Variants in GABRD observed in about 807,000 individuals in gnomAD.
GABRD encodes the protein gamma-aminobutyric acid receptor subunit delta.
GABRD carries 25 observed loss-of-function variants against 47.3 expected under a neutral mutation model. The observed-to-expected ratio is 0.53, with a 90% CI of 0.39 to 0.74. The LOEUF is 0.74. Ranked by LOEUF, GABRD falls within the 30% of genes least tolerant of loss-of-function variation. GABRD has a pLI of 0.00. For synonymous variants in GABRD, 314 were observed against 278.8 expected, an observed-to-expected ratio of 1.13 and a Z score of -1.26; for missense variants, 497 against 643.4, an observed-to-expected ratio of 0.77 and a Z score of 2.46.
In GABRD at chr1:2,030,305, G is replaced by A. The variant is rs766329653; in HGVS notation, c.*23G>A. 22 of 1,481,014 alleles carry A rather than the reference G, an allele frequency of 1.5e-5. No individual in the cohort carries two copies. The highest frequency in any genetic ancestry group is 2.4e-5 in the East Asian group (1 of 41,036). The allele number at this position is 1,481,014 out of a possible 1,614,324, so 91.7% of individuals were successfully genotyped here. On this transcript the variant is annotated 3_prime_UTR_variant, in exon 9 of 9. Transcript: ENST00000378585. ...TGAGCACAGGACTCAGGCCACCCTC[G>A]CTTGTCCTGGCGCCCGGCGGCAGCT...
chr1:2,024,865 A>C, intron 1 of GABRD, 77 bp from the exon 2 acceptor site: 1 of 1,091,230 alleles, frequency 9.2e-7, no homozygotes. Flanking sequence ...ACAGTGCTGC[A>C]TCCCCAGGAA....
chr1:2,029,927 C>T, intron 8 of GABRD, 56 bp from the exon 9 acceptor site: 2 of 1,595,820 alleles, frequency 1.3e-6, no homozygotes, highest in South Asian at 2.2e-5. Flanking sequence ...TGGTCCAGGG[C>T]CCTGGGAGCT....
In GABRD at chr1:2,025,031, G is replaced by T; in HGVS notation, c.158G>T (p.Arg53Leu). 1 of 1,612,480 alleles carries T rather than the reference G, an allele frequency of 6.2e-7. No individual in the cohort carries two copies. The highest frequency in any genetic ancestry group is 8.5e-7 in the Non-Finnish European group (1 of 1,179,662). The change falls in exon 2 of 9, where the codon CGC becomes CTC. Residue 53 changes from arginine to leucine, a missense_variant. Arg to Leu is a moderately radical substitution (Grantham distance 102). Around this residue, in one of 3 missense-constraint regions of GABRD, gnomAD observed 91 missense variants for 85.5 expected, o/e 1.06. Coordinates refer to ENST00000378585, the MANE Select transcript of GABRD (RefSeq NM_000815.5). ...NLDGLIAGYA[R>L]NFRPGIGGPP... ...GACGGGCTGATAGCCGGCTACGCCC[G>T]CAACTTCCGGCCTGGCATCGGAGGT... is the stretch of plus-strand genomic sequence containing the variant.
At chr1:2,019,539 C>G in intron 1 of GABRD, 48 bp downstream of exon 1, 1 of 1,057,356 alleles carries the variant, frequency 9.5e-7, no homozygotes, top group Non-Finnish European at 1.2e-6. Flanking sequence ...CGGTGGGGGG[C>G]CCGCGTCGGC....
Position 2,029,651 on chromosome 1 carries a change from C to T in GABRD, c.948C>T (p.Ile316=), listed in dbSNP as rs1478007537. 1 of 1,613,556 alleles carries T rather than the reference C, an allele frequency of 6.2e-7. No individual in the cohort carries two copies. Among genetic ancestry groups the T allele is most frequent in the Non-Finnish European group, 8.5e-7 (1 of 1,180,000 alleles). The change falls in exon 8 of 9, where the codon ATC becomes ATT. Residue 316 remains isoleucine, a synonymous_variant. Coordinates refer to ENST00000378585, the MANE Select transcript of GABRD (RefSeq NM_000815.5). ...AIKALDVYFW[I]CYVFVFAALV... Reference sequence around the variant, plus strand: ...AGGCACTGGACGTCTACTTCTGGATCTGCTATGTCTTCGTGTTTGCCGCCC... The same window carrying T: ...AGGCACTGGACGTCTACTTCTGGATTTGCTATGTCTTCGTGTTTGCCGCCC...
intron 2 of GABRD, 27 bp downstream of exon 2, chr1:2,025,081 C>T: frequency 6.3e-7 from 1 of 1,576,140 alleles, no homozygotes; most frequent in Non-Finnish European, 8.7e-7. Flanking sequence ...GCCCGGCAGG[C>T]AGGAGCCGCT....
Position 2,030,361 on chromosome 1 carries a change from C to T in GABRD, c.*79C>T, listed in dbSNP as rs1000049679. ...GAAACTTCCTGGGAGAAAGAGCCCT[C>T]GGGCTGCCTTCCCCTCTGCGTGTTT... On this transcript the variant is annotated 3_prime_UTR_variant, in exon 9 of 9. Transcript: ENST00000378585. 56 of 1,313,008 alleles carry T rather than the reference C, an allele frequency of 4.3e-5. No individual in the cohort carries two copies. Among genetic ancestry groups the T allele is most frequent in the Non-Finnish European group, 5.5e-5 (54 of 977,140 alleles). 81.3% of individuals were successfully genotyped at this position (1,313,008 alleles called of 1,614,324 possible). A position where few individuals can be genotyped will look rare whatever the true frequency, so the allele number is the denominator to read the frequency against.
rs1405824159 is a variant in GABRD at position 2,029,236 on chromosome 1, C to T, written c.817C>T (p.Gln273Ter). ...GTCCTGGGTCTCCTTCTGGATCAGCCAGGCGGCGGTGCCCGCCAGGGTGTC... is the reference window on the plus strand; with the variant it reads ...GTCCTGGGTCTCCTTCTGGATCAGCTAGGCGGCGGTGCCCGCCAGGGTGTC... ...AMSWVSFWIS[Q>*]AAVPARVSLG... The change falls in exon 7 of 9, where the codon CAG becomes TAG. Residue 273 changes from glutamine (Q) to a stop codon, truncating the protein, a stop_gained. Coordinates refer to ENST00000378585, the MANE Select transcript of GABRD (RefSeq NM_000815.5). LOFTEE classifies it high-confidence loss of function. 3.2e-6 allele frequency: 5 copies of T among 1,569,048 alleles called. No individual in the cohort carries two copies. The highest frequency in any genetic ancestry group is 1.2e-5 in the South Asian group (1 of 85,672).
At position 2,028,001 on chromosome 1, in the gene GABRD, G is replaced by T; in HGVS notation, c.554-154G>T. 1 of 830,642 alleles carries T rather than the reference G, an allele frequency of 1.2e-6. No homozygotes were observed. Among genetic ancestry groups the T allele is most frequent in the Non-Finnish European group, 1.8e-6 (1 of 540,680 alleles). The allele number at this position is 830,642 out of a possible 1,614,324, so 51.5% of individuals were successfully genotyped here. On this transcript the variant is annotated intron_variant, in intron 5 of 8. Coordinates refer to ENST00000378585, the MANE Select transcript of GABRD (RefSeq NM_000815.5). This position sits in a 1 kb window ranked among gnomAD's most constrained non-coding sequence, Gnocchi z 6.4. The stretch of plus-strand genomic sequence containing the variant: ...CGGAGGAGCCCGACGTGGTCCCAGA[G>T]CCGAAGGTCTCCTCGCTCCTGGCTG...
Position 2,024,984 on chromosome 1 carries a change from G to A in GABRD, c.111G>A (p.Glu37=). The A allele has an allele frequency of 6.2e-7, 1 of 1,613,012 alleles. No individual in the cohort carries two copies. Among genetic ancestry groups the A allele is most frequent in the Non-Finnish European group, 8.5e-7 (1 of 1,179,906 alleles). The change falls in exon 2 of 9, where the codon GAG becomes GAA. Residue 37 remains glutamate (E), a synonymous_variant. Coordinates refer to ENST00000378585, the MANE Select transcript of GABRD (RefSeq NM_000815.5). The stretch of plus-strand genomic sequence containing the variant: ...GCGACTACGTGGGCTCCAACCTGGA[G>A]ATCTCCTGGCTCCCCAACCTGGACG... ...DIGDYVGSNL[E]ISWLPNLDGL... is the part of the protein sequence containing the mutation.
In GABRD at chr1:2,025,144, C is replaced by G. The variant is rs532181904; in HGVS notation, c.181+90C>G. 3.2e-5 allele frequency: 43 copies of G among 1,323,418 alleles called. No individual in the cohort carries two copies. The South Asian group carries it at 3.9e-4, about 12-fold the overall frequency. 82.0% of individuals were successfully genotyped at this position (1,323,418 alleles called of 1,614,324 possible). A position where few individuals can be genotyped will look rare whatever the true frequency, so the allele number is the denominator to read the frequency against. On this transcript the variant is annotated intron_variant, in intron 2 of 8. Transcript: ENST00000378585. ...GGCCCACTGGGCTGTAGGCTGGCCT[C>G]TAGGCAAGGAAGCCTGGCTCTCCCC...
intron 1 of GABRD, among the ~76,000 whole-genome samples, chr1:2,021,166 T>C (rs28502222): frequency 0.81 from 123,108 of 151,816 alleles, 49,937 homozygotes; most frequent in Middle Eastern, 0.87. Context: ...AGAGGTGCAC[T>C]GCTTTGCTCA....
chr1:2,020,452 C>T (rs1429599997), intron 1 of GABRD, among the ~76,000 whole-genome samples: 1 of 152,208 alleles, frequency 6.6e-6, no homozygotes, highest in Non-Finnish European at 1.5e-5. Flanking sequence ...ATGGCAGCAC[C>T]CAACACGGGG....
chr1:2,027,679 G>A lies in GABRD; in HGVS notation c.553+20G>A, dbSNP rs763656458. ...AGAGCTGTGAGTGGGTGTGCAAGGCGGGTAGGGGCTTCTCCAGCAGTGGAT... is the reference window on the plus strand; with the variant it reads ...AGAGCTGTGAGTGGGTGTGCAAGGCAGGTAGGGGCTTCTCCAGCAGTGGAT... On this transcript the variant is annotated intron_variant, in intron 5 of 8. Transcript: ENST00000378585. 7 of 1,607,202 alleles carry A rather than the reference G, an allele frequency of 4.4e-6. No individual in the cohort carries two copies. The highest frequency in any genetic ancestry group is 4.5e-5 in the East Asian group (2 of 44,764).
chr1:2,025,050 C>A lies in GABRD; in HGVS notation c.177C>A (p.Ile59=), dbSNP rs779883280. ...AGYARNFRPG[I]GGPPVNVALA... is the part of the protein sequence containing the mutation. ...ACGCCCGCAACTTCCGGCCTGGCAT[C>A]GGAGGTGAGGGGCGGTCCAGGCCCG... The change falls in exon 2 of 9, where the codon ATC becomes ATA. Residue 59 remains isoleucine (I), a synonymous_variant. Transcript: ENST00000378585. 2.5e-6 allele frequency: 4 copies of A among 1,611,556 alleles called. No individual in the cohort carries two copies. The highest frequency in any genetic ancestry group is 1.7e-5 in the Admixed American group (1 of 59,974).
At chr1:2,025,114 T>A (rs1227314678) in intron 2 of GABRD, 60 bp downstream of exon 2, 5 of 1,460,126 alleles carry the variant, frequency 3.4e-6, no homozygotes, top group Non-Finnish European at 4.7e-6. Context: ...AGGCCGTGGC[T>A]GTGTGGCCCA....
Position 2,019,439 on chromosome 1 carries a change from C to G in GABRD, c.16C>G (p.Arg6Gly), listed in dbSNP as rs1658714306. 9.2e-7 allele frequency: 1 copy of G among 1,087,490 alleles called. No homozygotes were observed. The highest frequency in any genetic ancestry group is 1.1e-6 in the Non-Finnish European group (1 of 898,044). 67.4% of individuals were successfully genotyped at this position (1,087,490 alleles called of 1,614,324 possible). Reference protein sequence around the residue: MDAPARLLAPLLLLCA... With the variant: MDAPAGLLAPLLLLCA... ...CGCCGCGGCCATGGACGCGCCCGCC[C>G]GGCTGCTGGCCCCGCTCCTGCTCCT... Residue 6 changes from arginine to glycine, a missense_variant, in exon 1 of 9, where the codon CGG becomes GGG. Physicochemically the swap from Arg to Gly is moderately radical, Grantham distance 125 (BLOSUM62 -2). Transcript: ENST00000378585.
intron 1 of GABRD, among the ~76,000 whole-genome samples, chr1:2,023,185 G>T (rs1658829024): frequency 6.6e-6 from 1 of 152,100 alleles, no homozygotes; most frequent in African/African-American, 2.4e-5. Flanking sequence ...CAGCTCCCCG[G>T]CTGGACTTAG....
chr1:2,024,966 C>G lies in GABRD; in HGVS notation c.93C>G (p.Tyr31Ter). The stretch of plus-strand genomic sequence containing the variant: ...GAGCGATGAATGACATCGGCGACTA[C>G]GTGGGCTCCAACCTGGAGATCTCCT... ...GTRAMNDIGDYVGSNLEISWL... is the reference protein window; with the variant it reads ...GTRAMNDIGD The change falls in exon 2 of 9, where the codon TAC (tyrosine) becomes TAG (stop). Residue 31 changes from tyrosine (Y) to a stop codon, truncating the protein, a stop_gained. Transcript: ENST00000378585. LOFTEE classifies it high-confidence loss of function. 6.2e-7 allele frequency: 1 copy of G among 1,612,768 alleles called. No individual in the cohort carries two copies. Among genetic ancestry groups the G allele is most frequent in the Non-Finnish European group, 8.5e-7 (1 of 1,179,656 alleles).
Sources: allele counts gnomAD v4.1 joint callset (sites outside exome capture counted in the v4.1 genomes callset), GRCh38; gene constraint gnomAD v4.1.1; regional missense constraint gnomAD v4.1.1; non-coding constraint Gnocchi (gnomAD v3.1); transcripts MANE v1.5; gene names NCBI Gene and HGNC (gene_info 2026-07-23, HGNC 2026-07-21).